The following TNFSF4 variants were observed in gnomAD, a reference collection of about 807,000 sequenced individuals.
TNFSF4 encodes the protein tumor necrosis factor ligand superfamily member 4.
A neutral mutation model predicts 7.3 loss-of-function variants in TNFSF4; 4 were observed. The observed-to-expected ratio is 0.55, with a 90% confidence interval of 0.27 to 1.25. The LOEUF is 1.25. TNFSF4 is among the 50% of genes most tolerant of loss of function. The pLI is 0.12. For missense variants in TNFSF4, 181 were observed against 208.8 expected, an observed-to-expected ratio of 0.87 and a Z score of 0.82; for synonymous variants, 76 against 83.7, an observed-to-expected ratio of 0.91 and a Z score of 0.50.
the TNFSF4 span, among the ~76,000 whole-genome samples, chr1:173,293,201 C>G: frequency 6.6e-6 from 1 of 152,042 alleles, no homozygotes. Context: ...ATCATACTAC[C>G]CAACTTCAAA....
chr1:173,364,263 TCATAA>T, the TNFSF4 span, among the ~76,000 whole-genome samples: 1 of 147,598 alleles, frequency 6.8e-6, no homozygotes, highest in Non-Finnish European at 1.5e-5. Context: ...GGAATGGGGT[TCATAA>T]CATATTGTTC....
chr1:173,322,351 G>A, the TNFSF4 span, among the ~76,000 whole-genome samples: 1 of 152,114 alleles, frequency 6.6e-6, no homozygotes, highest in African/African-American at 2.4e-5. Context: ...AGGGGAGGGA[G>A]AGCATTAGGA....
At chr1:173,308,265 CTT>C in the TNFSF4 span, among the ~76,000 whole-genome samples, 17 of 116,184 alleles carry the variant, frequency 1.5e-4, no homozygotes, top group Admixed American at 5.5e-4. Flanking sequence ...TCCTCTCTCT[CTT>C]TCTCTCTCTC....
At chr1:173,232,637 C>T in the TNFSF4 span, among the ~76,000 whole-genome samples, 5 of 152,076 alleles carry the variant, frequency 3.3e-5, no homozygotes, top group Admixed American at 1.3e-4. Context: ...TTTTGAGATA[C>T]GTTCCATCAA....
chr1:173,221,330 C>T, the TNFSF4 span, among the ~76,000 whole-genome samples: 3 of 152,012 alleles, frequency 2.0e-5, no homozygotes, highest in African/African-American at 7.2e-5. Context: ...TTGGCTTTTG[C>T]GTGGCAAAAC....
the TNFSF4 span, among the ~76,000 whole-genome samples, chr1:173,217,838 C>A: frequency 6.6e-6 from 1 of 152,136 alleles, no homozygotes; most frequent in East Asian, 1.9e-4. Flanking sequence ...CAGCCTTGAA[C>A]TCCTGGGCTT....
the TNFSF4 span, among the ~76,000 whole-genome samples, chr1:173,416,608 TTTTA>T: frequency 8.2e-6 from 1 of 121,942 alleles, no homozygotes; most frequent in African/African-American, 3.1e-5. Flanking sequence ...ATTTTTTTAT[TTTTA>T]TTTATTTATT....
chr1:173,243,520 A>C, the TNFSF4 span, among the ~76,000 whole-genome samples: 1 of 152,176 alleles, frequency 6.6e-6, no homozygotes, highest in Non-Finnish European at 1.5e-5. Context: ...GTCTGTTACT[A>C]TGCAGTGGAT....
the TNFSF4 span, among the ~76,000 whole-genome samples, chr1:173,270,659 A>G: frequency 2.6e-5 from 4 of 152,158 alleles, no homozygotes; most frequent in Non-Finnish European, 4.4e-5. Context: ...TGGGCTGTGA[A>G]GGAGCAGAAT....
upstream of TNFSF4, among the ~76,000 whole-genome samples, chr1:173,208,744 A>G (rs1222581435): frequency 6.6e-6 from 1 of 152,166 alleles, no homozygotes; most frequent in Non-Finnish European, 1.5e-5. Context: ...TGAAGGAAAA[A>G]TCAGTGTGTA....
At chr1:173,378,123 C>T in the TNFSF4 span, among the ~76,000 whole-genome samples, 5 of 152,258 alleles carry the variant, frequency 3.3e-5, no homozygotes, top group South Asian at 2.1e-4. Context: ...CGACCTTCCT[C>T]GGTCCTCCTT....
At chr1:173,320,375 C>G in the TNFSF4 span, among the ~76,000 whole-genome samples, 1 of 152,164 alleles carries the variant, frequency 6.6e-6, no homozygotes, top group African/African-American at 2.4e-5. Context: ...CAGCCAATAT[C>G]AAACTGAATA....
At chr1:173,271,913 G>A in the TNFSF4 span, among the ~76,000 whole-genome samples, 1 of 152,154 alleles carries the variant, frequency 6.6e-6, no homozygotes, top group Non-Finnish European at 1.5e-5. Context: ...GTTTATTGCG[G>A]CACTATTCGC....
At chr1:173,411,803 A>T in the TNFSF4 span, among the ~76,000 whole-genome samples, 1 of 148,528 alleles carries the variant, frequency 6.7e-6, no homozygotes, top group Non-Finnish European at 1.5e-5. Flanking sequence ...TCTCTCAAAA[A>T]ATAAAAATAA....
chr1:173,176,214 C>A, the TNFSF4 span, among the ~76,000 whole-genome samples: 8 of 151,922 alleles, frequency 5.3e-5, no homozygotes, highest in African/African-American at 1.9e-4. Context: ...CTTCAGAAAA[C>A]AGTAAAAATA....
At chr1:173,187,663 G>A (rs996598470) in intron 2 of TNFSF4, among the ~76,000 whole-genome samples, 2 of 152,222 alleles carry the variant, frequency 1.3e-5, no homozygotes, top group African/African-American at 4.8e-5. Flanking sequence ...ACTTTGGGAA[G>A]AGTCACTGCC....
the TNFSF4 span, among the ~76,000 whole-genome samples, chr1:173,379,906 C>A: frequency 6.6e-6 from 1 of 152,240 alleles, no homozygotes; most frequent in Non-Finnish European, 1.5e-5. Flanking sequence ...CTGCCCCAGA[C>A]TGCAATGGTT....
At chr1:173,189,215 G>T (rs114866627) in intron 1 of TNFSF4, among the ~76,000 whole-genome samples, 4 of 152,240 alleles carry the variant, frequency 2.6e-5, no homozygotes, top group African/African-American at 4.8e-5. Flanking sequence ...TTTGGATAAC[G>T]TAGCACTATA....
the TNFSF4 span, among the ~76,000 whole-genome samples, chr1:173,329,987 G>A: frequency 6.6e-6 from 1 of 152,062 alleles, no homozygotes; most frequent in Admixed American, 6.6e-5. Context: ...CCTTTCTTCG[G>A]TCATATTTGT....
Sources: gnomAD v4.1 joint callset for allele counts (sites outside exome capture counted in the v4.1 genomes callset) on GRCh38, gnomAD v4.1.1 for gene constraint, MANE v1.5 for transcripts, NCBI Gene and HGNC (gene_info 2026-07-23, HGNC 2026-07-21) for gene names.